CNTN1: variants seen among roughly 807,000 people sequenced by gnomAD.
CNTN1 encodes the protein contactin-1.
Under a neutral mutation model 126.4 loss-of-function variants are expected in CNTN1, and 38 were observed. The ratio of observed to expected loss-of-function variants is 0.30; its 90% CI spans 0.23 to 0.39. The LOEUF is 0.39. CNTN1 is among the 10% of genes least tolerant of loss of function. The pLI is 1.00. For synonymous variants in CNTN1, 413 were observed against 422.6 expected (o/e 0.98, Z 0.28); for missense variants, 1,009 against 1,248.4 (o/e 0.81, Z 2.89).
chr12:41,025,741 C>G (rs183987301), intron 21 of CNTN1, among the ~76,000 whole-genome samples: 2 of 152,270 alleles, frequency 1.3e-5, no homozygotes, highest in Admixed American at 1.3e-4. Context: ...CAGTGCAATG[C>G]AAGTTAAGTG....
intron 15 of CNTN1, among the ~76,000 whole-genome samples, chr12:40,966,686 A>T (rs1017752130): frequency 6.6e-6 from 1 of 152,200 alleles, no homozygotes; most frequent in Admixed American, 6.6e-5. Context: ...GTTCAGCGTA[A>T]ATTGAGGTAC....
At chr12:41,004,302 G>T (rs1948438293) in intron 17 of CNTN1, among the ~76,000 whole-genome samples, 1 of 152,142 alleles carries the variant, frequency 6.6e-6, no homozygotes, top group Non-Finnish European at 1.5e-5. Flanking sequence ...TGGTCCAAGA[G>T]ATTGTTTCTT....
At chr12:40,962,974 CAT>C (rs1282231618) in intron 15 of CNTN1, among the ~76,000 whole-genome samples, 1 of 152,088 alleles carries the variant, frequency 6.6e-6, no homozygotes, top group African/African-American at 2.4e-5. Context: ...GGAGGTCTAA[CAT>C]ATAAAATCGA....
At chr12:40,818,284 C>T (rs570122042) in intron 1 of CNTN1, among the ~76,000 whole-genome samples, 2 of 152,072 alleles carry the variant, frequency 1.3e-5, no homozygotes, top group Non-Finnish European at 2.9e-5. Flanking sequence ...TCCATCCTCC[C>T]CATCTCCTTC....
intron 17 of CNTN1, 28 bp from the exon 18 acceptor site, chr12:41,014,200 T>C: frequency 6.2e-7 from 1 of 1,611,114 alleles, no homozygotes; most frequent in Non-Finnish European, 8.5e-7. Flanking sequence ...TTGTTGTTGT[T>C]TTGCATATAT....
At chr12:40,708,398 TA>T (rs897096997) in intron 1 of CNTN1, among the ~76,000 whole-genome samples, 1 of 152,238 alleles carries the variant, frequency 6.6e-6, no homozygotes, top group Non-Finnish European at 1.5e-5. Flanking sequence ...ACTCCTTAAT[TA>T]AAAAATACTT....
At chr12:41,055,614 G>A (rs1434125431) in intron 23 of CNTN1, among the ~76,000 whole-genome samples, 1 of 152,078 alleles carries the variant, frequency 6.6e-6, no homozygotes, top group Non-Finnish European at 1.5e-5. Flanking sequence ...GAAGTAGTGG[G>A]TTCTTATTAA....
chr12:40,923,039 C>A (rs1291103807), intron 5 of CNTN1, among the ~76,000 whole-genome samples: 1 of 150,596 alleles, frequency 6.6e-6, no homozygotes, highest in Admixed American at 6.6e-5. Context: ...GCACTATCAC[C>A]CCTAAGGGGG....
chr12:40,726,344 G>A (rs375040674), intron 1 of CNTN1, among the ~76,000 whole-genome samples: 4 of 152,250 alleles, frequency 2.6e-5, no homozygotes, highest in East Asian at 3.9e-4. Flanking sequence ...CCACACACTG[G>A]GTAATTTATA....
At chr12:40,842,402 T>C (rs886770587) in intron 1 of CNTN1, among the ~76,000 whole-genome samples, 1 of 152,088 alleles carries the variant, frequency 6.6e-6, no homozygotes, top group Admixed American at 6.6e-5. Flanking sequence ...AGAATTGCTA[T>C]GTTCCCAACA....
Position 40,939,357 on chromosome 12 carries a change from G to T in CNTN1, c.1251G>T (p.Met417Ile), listed in dbSNP as rs145510600. ...TAGCGTTGGCTCCAACTTTTGAAAT[G>T]AATCCTATGAAGAAAAAGATCCTGG... ...KILALAPTFE[M>I]NPMKKKILAA... The change falls in exon 12 of 24, where the codon ATG becomes ATT. Residue 417 changes from methionine (M) to isoleucine (I), a missense_variant. Met to Ile is a conservative substitution (Grantham distance 10, BLOSUM62 1). Transcript: ENST00000551295. 588 of 1,613,812 alleles carry T rather than the reference G, an allele frequency of 3.6e-4. 1 individual carries two copies. The African/African-American group carries it at 7.1e-3, about 20-fold the overall frequency.
chr12:40,723,799 C>T (rs867933442), intron 1 of CNTN1, among the ~76,000 whole-genome samples: 1 of 152,148 alleles, frequency 6.6e-6, no homozygotes, highest in Non-Finnish European at 1.5e-5. Context: ...GAAGGAACTA[C>T]TGATGTGACC....
At chr12:40,947,776 TATATATACACACACACACACACACAC>T (rs1376561531) in intron 14 of CNTN1, among the ~76,000 whole-genome samples, 1 of 89,620 alleles carries the variant, frequency 1.1e-5, no homozygotes, top group Non-Finnish European at 2.1e-5. Context: ...TATATATATA[TATATATACACACACACACACACACAC>T]ACACACACAC....
intron 17 of CNTN1, among the ~76,000 whole-genome samples, chr12:41,007,983 T>C (rs1346704078): frequency 2.0e-5 from 3 of 152,222 alleles, no homozygotes; most frequent in Non-Finnish European, 2.9e-5. Flanking sequence ...ATTCAGTTAC[T>C]TTCTGCCTAA....
chr12:40,746,301 G>A (rs1239829945), intron 1 of CNTN1, among the ~76,000 whole-genome samples: 1 of 152,064 alleles, frequency 6.6e-6, no homozygotes, highest in Non-Finnish European at 1.5e-5. Flanking sequence ...TAACGAGCTT[G>A]ATTCTGTATT....
intron 1 of CNTN1, among the ~76,000 whole-genome samples, chr12:40,698,410 G>A (rs1941507837): frequency 1.3e-5 from 2 of 151,382 alleles, no homozygotes; most frequent in Non-Finnish European, 2.9e-5. Context: ...TAATTTTTTT[G>A]TATTTTTAGT....
At chr12:41,059,037 G>A (rs1949886091) in intron 23 of CNTN1, among the ~76,000 whole-genome samples, 1 of 118,438 alleles carries the variant, frequency 8.4e-6, no homozygotes, top group African/African-American at 2.7e-5. Context: ...CTTTTTGATA[G>A]ATGGATGACA....
At chr12:40,840,831 AAG>A (rs1942249163) in intron 1 of CNTN1, among the ~76,000 whole-genome samples, 1 of 151,968 alleles carries the variant, frequency 6.6e-6, no homozygotes, top group African/African-American at 2.4e-5. Context: ...AAGCAATGCA[AAG>A]AGAGAATTTT....
intron 1 of CNTN1, among the ~76,000 whole-genome samples, chr12:40,747,971 CAG>C (rs1938251556): frequency 1.3e-5 from 2 of 152,046 alleles, no homozygotes; most frequent in Admixed American, 1.3e-4. Context: ...TCTGTGCAGG[CAG>C]AGAGACCCAC....
Sources: gnomAD v4.1 joint callset for allele counts (sites outside exome capture counted in the v4.1 genomes callset) on GRCh38, gnomAD v4.1.1 for gene constraint, MANE v1.5 for transcripts, NCBI Gene and HGNC (gene_info 2026-07-23, HGNC 2026-07-21) for gene names.